Variants in GRID2 observed in about 807,000 individuals in gnomAD.
GRID2 encodes the protein glutamate ionotropic receptor delta type subunit 2.
Under a neutral mutation model 114.8 loss-of-function variants are expected in GRID2, and 33 were observed. The ratio of observed to expected loss-of-function variants is 0.29; its 90% confidence interval spans 0.22 to 0.38. The LOEUF (loss-of-function observed/expected upper bound fraction) is 0.38, where lower values mean the gene tolerates loss of function less well. Among genes scored for constraint, GRID2 ranks in the 10% least tolerant of loss-of-function variants. The probability of loss-of-function intolerance (pLI) is 1.00; values close to 1 mark genes in which losing one functional copy is unlikely to be tolerated. For missense variants in GRID2, 1,184 were observed against 1,257.7 expected (o/e 0.94, Z 0.89); for synonymous variants, 505 against 449.9 (o/e 1.12, Z -1.55).
intron 7 of GRID2, among the ~76,000 whole-genome samples, chr4:93,236,914 T>A (rs1579381233): frequency 6.6e-6 from 1 of 152,066 alleles, no homozygotes; most frequent in East Asian, 1.9e-4. Flanking sequence ...AATAAAGAAT[T>A]AAGTAACAGT....
At chr4:93,460,870 AGTTGTTGT>A (rs1312406022) in intron 11 of GRID2, among the ~76,000 whole-genome samples, 1 of 152,146 alleles carries the variant, frequency 6.6e-6, no homozygotes, top group Non-Finnish European at 1.5e-5. Context: ...GTCCCCACTG[AGTTGTTGT>A]AAGAAACTAA....
chr4:93,106,282 G>A (rs1338539291), intron 3 of GRID2, among the ~76,000 whole-genome samples: 2 of 152,148 alleles, frequency 1.3e-5, no homozygotes, highest in Non-Finnish European at 2.9e-5. Context: ...CAGATAATGT[G>A]GCTGAATGAT....
At chr4:92,750,088 C>T (rs1308271441) in intron 2 of GRID2, among the ~76,000 whole-genome samples, 3 of 152,066 alleles carry the variant, frequency 2.0e-5, no homozygotes, top group South Asian at 2.1e-4. Context: ...CTTGAACTCC[C>T]GACCTTAGCT....
chr4:93,502,413 A>C (rs2149475252), intron 12 of GRID2, among the ~76,000 whole-genome samples: 1 of 152,226 alleles, frequency 6.6e-6, no homozygotes, highest in Middle Eastern at 3.4e-3. Flanking sequence ...GGTGTGAGAT[A>C]AAACTGATAC....
chr4:93,240,814 CTCT>C (rs1172083704), intron 8 of GRID2, among the ~76,000 whole-genome samples: 1 of 150,110 alleles, frequency 6.7e-6, no homozygotes, highest in African/African-American at 2.4e-5. Context: ...CTCTTCAATA[CTCT>C]TCATTTGTTT....
chr4:92,915,122 A>G (rs1049777049), intron 2 of GRID2, among the ~76,000 whole-genome samples: 3 of 152,090 alleles, frequency 2.0e-5, no homozygotes, highest in African/African-American at 7.2e-5. Flanking sequence ...GCGAAGGGGG[A>G]AGAGTCCCTT....
intron 2 of GRID2, among the ~76,000 whole-genome samples, chr4:92,819,686 C>A (rs572905413): frequency 1.8e-4 from 28 of 152,200 alleles, no homozygotes; most frequent in Non-Finnish European, 3.7e-4. Context: ...TGACTACCAA[C>A]TGCAGGAAAG....
chr4:92,769,596 C>T (rs1490092756), intron 2 of GRID2, among the ~76,000 whole-genome samples: 1 of 152,210 alleles, frequency 6.6e-6, no homozygotes, highest in Non-Finnish European at 1.5e-5. Flanking sequence ...CAGGCATTTC[C>T]ATACATCCTC....
At chr4:93,083,422 C>G (rs989479589) in intron 2 of GRID2, among the ~76,000 whole-genome samples, 1 of 151,964 alleles carries the variant, frequency 6.6e-6, no homozygotes, top group Non-Finnish European at 1.5e-5. Context: ...AGGCCAGGCA[C>G]GGTGGCTCAC....
intron 2 of GRID2, among the ~76,000 whole-genome samples, chr4:92,904,487 A>G (rs2149483982): frequency 6.6e-6 from 1 of 151,974 alleles, no homozygotes; most frequent in Admixed American, 6.6e-5. Flanking sequence ...GCTGCTTTTT[A>G]TTGCCACAAA....
At chr4:93,065,867 G>A (rs1185909705) in intron 2 of GRID2, among the ~76,000 whole-genome samples, 1 of 151,770 alleles carries the variant, frequency 6.6e-6, no homozygotes, top group African/African-American at 2.4e-5. Flanking sequence ...CAGTCTTTCT[G>A]GATTCCGTTG....
At position 93,663,286 on chromosome 4, in the gene GRID2, TAC is replaced by T. The variant is rs1723659707; in HGVS notation, c.2360+36853_2360+36854del. On this transcript the variant is annotated intron_variant, in intron 14 of 15. Coordinates refer to ENST00000282020, the MANE Select transcript of GRID2 (RefSeq NM_001510.4). ...CCTACAGCCTCCCTTCAGTGATTCA[TAC>T]AGTTATGGAGGTATTTTGAGTGCTC... 2.0e-5 allele frequency among the ~76,000 whole-genome samples: 3 copies of T among 152,178 alleles called. 1 individual carries two copies. Among genetic ancestry groups the T allele is most frequent in the Admixed American group, 1.3e-4 (2 of 15,270 alleles).
intron 2 of GRID2, among the ~76,000 whole-genome samples, chr4:92,796,052 T>C (rs1342000896): frequency 4.6e-5 from 7 of 151,970 alleles, no homozygotes. Context: ...GATGGAATTA[T>C]GGATTTTTTT....
intron 2 of GRID2, among the ~76,000 whole-genome samples, chr4:92,594,336 G>A (rs1297874471): frequency 6.6e-6 from 1 of 151,824 alleles, no homozygotes; most frequent in Non-Finnish European, 1.5e-5. Flanking sequence ...ATAAAGACCA[G>A]TTACATTATA....
chr4:93,415,353 T>C (rs1233572017), intron 9 of GRID2, among the ~76,000 whole-genome samples: 1 of 152,132 alleles, frequency 6.6e-6, no homozygotes, highest in Non-Finnish European at 1.5e-5. Flanking sequence ...GATAGACACA[T>C]GTAAGATTCA....
intron 8 of GRID2, among the ~76,000 whole-genome samples, chr4:93,372,512 C>G (rs1763026559): frequency 6.6e-6 from 1 of 152,104 alleles, no homozygotes; most frequent in Non-Finnish European, 1.5e-5. Flanking sequence ...CCTTAAGCTT[C>G]TCATTGCTTC....
intron 3 of GRID2, among the ~76,000 whole-genome samples, chr4:93,106,021 A>G (rs993968470): frequency 6.6e-6 from 1 of 152,130 alleles, no homozygotes; most frequent in Non-Finnish European, 1.5e-5. Context: ...TGGAAAAAAC[A>G]TCTTCCTCCT....
At chr4:93,264,035 C>T (rs73837741) in intron 8 of GRID2, among the ~76,000 whole-genome samples, 2 of 152,112 alleles carry the variant, frequency 1.3e-5, no homozygotes, top group Non-Finnish European at 2.9e-5. Context: ...TCTTGCTGAA[C>T]TTGTCTTTTG....
chr4:93,032,475 GCAT>G (rs1724531083), intron 2 of GRID2, among the ~76,000 whole-genome samples: 1 of 152,010 alleles, frequency 6.6e-6, no homozygotes, highest in South Asian at 2.1e-4. Context: ...CAACCTAAAA[GCAT>G]CTTTACACAT....
Sources: gnomAD v4.1 joint callset for allele counts (sites outside exome capture counted in the v4.1 genomes callset) on GRCh38, gnomAD v4.1.1 for gene constraint, MANE v1.5 for transcripts, NCBI Gene and HGNC (gene_info 2026-07-23, HGNC 2026-07-21) for gene names.